The following LARGE1 variants were observed in gnomAD, a reference collection of about 807,000 sequenced individuals.
LARGE1 encodes the protein LARGE xylosyl- and glucuronyltransferase 1.
A neutral mutation model predicts 87.6 loss-of-function variants in LARGE1; 43 were observed. That is an observed-to-expected ratio of 0.49 (90% CI 0.38 to 0.63). The LOEUF (loss-of-function observed/expected upper bound fraction) is 0.63. Ranked by LOEUF, LARGE1 falls within the 30% of genes least tolerant of loss-of-function variation. The pLI is 0.00. For synonymous variants in LARGE1, 434 were observed against 394.6 expected (o/e 1.10, Z -1.18); for missense variants, 802 against 1,000.2 (o/e 0.80, Z 2.67).
At chr22:33,573,451 A>G (rs561942331) in intron 5 of LARGE1, among the ~76,000 whole-genome samples, 5 of 152,276 alleles carry the variant, frequency 3.3e-5, no homozygotes, top group African/African-American at 1.2e-4. Flanking sequence ...ACAAAACAAA[A>G]AAAGTCATCT....
chr22:33,748,955 C>G (rs901826116), intron 2 of LARGE1, among the ~76,000 whole-genome samples: 3 of 152,196 alleles, frequency 2.0e-5, no homozygotes, highest in Non-Finnish European at 2.9e-5. Flanking sequence ...AAGGGTCTCT[C>G]TGGACCAGGT....
chr22:33,585,951 G>A (rs554823709), intron 5 of LARGE1, among the ~76,000 whole-genome samples: 126 of 152,210 alleles, frequency 8.3e-4, no homozygotes, highest in South Asian at 1.9e-3. Flanking sequence ...CACCTGCCTC[G>A]GCCTCCCGAA....
intron 10 of LARGE1, among the ~76,000 whole-genome samples, chr22:33,330,987 A>C (rs545399048): frequency 1.3e-5 from 2 of 152,336 alleles, no homozygotes; most frequent in South Asian, 2.1e-4. Context: ...CAGATTTCTC[A>C]GAGACTCTAC....
At chr22:33,094,048 G>A in the LARGE1 span, among the ~76,000 whole-genome samples, 1 of 151,852 alleles carries the variant, frequency 6.6e-6, no homozygotes, top group East Asian at 1.9e-4. Context: ...CACCTTGCCC[G>A]GCTATTCTAA....
chr22:33,510,319 C>A (rs543576069), intron 6 of LARGE1, among the ~76,000 whole-genome samples: 1 of 152,296 alleles, frequency 6.6e-6, no homozygotes, highest in East Asian at 1.9e-4. Context: ...TACATATTTA[C>A]TGATTTAATC....
intron 1 of LARGE1, among the ~76,000 whole-genome samples, chr22:33,917,563 T>C (rs2065823304): frequency 6.6e-6 from 1 of 152,216 alleles, no homozygotes; most frequent in Non-Finnish European, 1.5e-5. Flanking sequence ...TTATGATGAC[T>C]GCAGGGAATA....
chr22:33,239,658 C>T (rs1287529586), intron 11 of LARGE1, among the ~76,000 whole-genome samples: 2 of 150,928 alleles, frequency 1.3e-5, no homozygotes, highest in Non-Finnish European at 2.9e-5. Flanking sequence ...CCTGCCTCGG[C>T]CTCCCGAGTA....
Position 33,650,589 on chromosome 22 carries a change from G to T in LARGE1, c.186C>A (p.Arg62=). The T allele has an allele frequency of 6.2e-7, 1 of 1,605,870 alleles. No individual in the cohort carries two copies. The highest frequency in any genetic ancestry group is 8.5e-7 in the Non-Finnish European group (1 of 1,179,896). Residue 62 remains arginine (R), a synonymous_variant, in exon 3 of 15, where the codon CGC becomes CGA. Coordinates refer to ENST00000397394, the MANE Select transcript of LARGE1 (RefSeq NM_133642.5). Reference sequence around the variant, plus strand: ...CGCGCATGCGCACCTCCAGGCTCTCGCGCTCCCGCTGGCTGGAGGCCGTGT... The same window carrying T: ...CGCGCATGCGCACCTCCAGGCTCTCTCGCTCCCGCTGGCTGGAGGCCGTGT... ...PRYTASSQRE[R]ESLEVRMREV...
At chr22:33,723,308 G>A (rs946732732) in intron 2 of LARGE1, among the ~76,000 whole-genome samples, 1 of 152,198 alleles carries the variant, frequency 6.6e-6, no homozygotes, top group African/African-American at 2.4e-5. Flanking sequence ...TAGGTTCACG[G>A]TGTAAAGAGC....
chr22:33,537,410 T>A (rs907430327), intron 6 of LARGE1, among the ~76,000 whole-genome samples: 1 of 152,166 alleles, frequency 6.6e-6, no homozygotes, highest in Non-Finnish European at 1.5e-5. Flanking sequence ...TATCATTATA[T>A]CGCTTCTTCT....
chr22:33,498,399 A>C (rs1255031719), intron 6 of LARGE1, among the ~76,000 whole-genome samples: 1 of 152,186 alleles, frequency 6.6e-6, no homozygotes, highest in Non-Finnish European at 1.5e-5. Context: ...AGGAAAAAGC[A>C]AGCTGTGATT....
intron 2 of LARGE1, among the ~76,000 whole-genome samples, chr22:33,714,291 C>T (rs766245460): frequency 1.3e-5 from 2 of 152,154 alleles, no homozygotes; most frequent in Non-Finnish European, 2.9e-5. Context: ...AACAGCCTCA[C>T]ATTCAAGAGC....
intron 2 of LARGE1, among the ~76,000 whole-genome samples, chr22:33,696,792 G>A (rs760891447): frequency 7.2e-5 from 11 of 152,038 alleles, no homozygotes; most frequent in Non-Finnish European, 1.5e-4. Context: ...TACCTATGGT[G>A]GTTTTTAATG....
intron 5 of LARGE1, among the ~76,000 whole-genome samples, chr22:33,589,664 T>A (rs1185350263): frequency 3.3e-5 from 5 of 152,220 alleles, no homozygotes; most frequent in Non-Finnish European, 7.3e-5. Context: ...CAAGATTCAT[T>A]TATCATTACC....
At chr22:33,839,391 C>T (rs575083693) in intron 1 of LARGE1, among the ~76,000 whole-genome samples, 1 of 152,234 alleles carries the variant, frequency 6.6e-6, no homozygotes, top group Admixed American at 6.5e-5. Flanking sequence ...CTTCCACCAG[C>T]CCCATCTCCA....
At chr22:33,389,540 A>G (rs964622979) in intron 7 of LARGE1, among the ~76,000 whole-genome samples, 3 of 152,324 alleles carry the variant, frequency 2.0e-5, no homozygotes, top group Middle Eastern at 3.4e-3. Flanking sequence ...CTACAACAGA[A>G]TCTGTTTTAG....
At chr22:33,673,069 T>C (rs553082918) in intron 2 of LARGE1, among the ~76,000 whole-genome samples, 2 of 152,176 alleles carry the variant, frequency 1.3e-5, no homozygotes, top group East Asian at 3.9e-4. Context: ...GGTCAGGAGT[T>C]TGAGCCCAGC....
At chr22:33,122,338 T>TTTTTC in the LARGE1 span, among the ~76,000 whole-genome samples, 5 of 151,280 alleles carry the variant, frequency 3.3e-5, no homozygotes, top group African/African-American at 7.3e-5. Flanking sequence ...CTAGAGTCTT[T>TTTTTC]TTTTCTTTTC....
At chr22:33,768,036 G>A (rs1239223968) in intron 1 of LARGE1, among the ~76,000 whole-genome samples, 1 of 152,246 alleles carries the variant, frequency 6.6e-6, no homozygotes, top group Non-Finnish European at 1.5e-5. Context: ...TAGGCCGGGC[G>A]TGGTGGCTGA....
Sources: gnomAD v4.1 joint callset for allele counts (sites outside exome capture counted in the v4.1 genomes callset) on GRCh38, gnomAD v4.1.1 for gene constraint, MANE v1.5 for transcripts, NCBI Gene and HGNC (gene_info 2026-07-23, HGNC 2026-07-21) for gene names.